The following LRRIQ3 variants were observed in gnomAD, a reference collection of about 807,000 sequenced individuals.
The protein encoded by LRRIQ3 is leucine rich repeats and IQ motif containing 3, also known as leucine-rich repeat and IQ domain-containing protein 3.
Under a neutral mutation model 59.3 loss-of-function variants are expected in LRRIQ3, and 75 were observed. That is an observed-to-expected ratio of 1.26 (90% CI 1.05 to 1.53). The LOEUF is 1.53. Ranked by LOEUF, LRRIQ3 falls within the 40% of genes most tolerant of loss-of-function variation. LRRIQ3 has a pLI of 0.00. For missense variants in LRRIQ3, 831 were observed against 710.0 expected (o/e 1.17, Z -1.94); for synonymous variants, 250 against 231.3 (o/e 1.08, Z -0.73).
intron 4 of LRRIQ3, among the ~76,000 whole-genome samples, chr1:74,133,541 G>T (rs1358889713): frequency 6.6e-6 from 1 of 152,088 alleles, no homozygotes; most frequent in Admixed American, 6.6e-5. Context: ...CATAAAAAAT[G>T]ATGAGTTCAT....
At chr1:74,142,108 G>A (rs921586596) in intron 4 of LRRIQ3, among the ~76,000 whole-genome samples, 1 of 151,822 alleles carries the variant, frequency 6.6e-6, no homozygotes, top group Non-Finnish European at 1.5e-5. Context: ...CAATGAACGT[G>A]AGAGTGCAGG....
chr1:74,068,724 T>A (rs528267585), intron 6 of LRRIQ3, among the ~76,000 whole-genome samples: 24 of 152,210 alleles, frequency 1.6e-4, no homozygotes, highest in African/African-American at 5.8e-4. Context: ...TCTAGTCTTA[T>A]ATGCATGAGT....
In LRRIQ3 at chr1:74,146,065, T is replaced by C. The variant is rs542184359; in HGVS notation, c.707+9668A>G. On this transcript the variant is annotated intron_variant, in intron 4 of 7. Transcript: ENST00000354431. Reference sequence around the variant, plus strand: ...GCCTATAAAATTTAGTATAGTAATATGCTGTACAGATTTGTGGCCTAGGCT... The same window carrying C: ...GCCTATAAAATTTAGTATAGTAATACGCTGTACAGATTTGTGGCCTAGGCT... Among the ~76,000 whole-genome samples, 8 of 152,270 alleles carry C rather than the reference T, an allele frequency of 5.3e-5. No individual in the cohort carries two copies. In the South Asian group the frequency reaches 1.4e-3, roughly 28 times the overall value.
chr1:74,157,702 G>A (rs906044409), intron 3 of LRRIQ3, among the ~76,000 whole-genome samples: 4 of 151,504 alleles, frequency 2.6e-5, no homozygotes, highest in African/African-American at 7.3e-5. Flanking sequence ...TCTAAATCTT[G>A]TTTACTTCTG....
intron 4 of LRRIQ3, among the ~76,000 whole-genome samples, chr1:74,131,964 A>G (rs573033496): frequency 3.9e-5 from 6 of 152,292 alleles, no homozygotes; most frequent in African/African-American, 1.2e-4. Flanking sequence ...AAATGACTGT[A>G]TATTTAGAAA....
intron 6 of LRRIQ3, among the ~76,000 whole-genome samples, chr1:74,073,123 G>C (rs77428096): frequency 0.033 from 5,094 of 152,112 alleles, 307 homozygotes; most frequent in African/African-American, 0.12. Context: ...TCTCCAACAT[G>C]GTTCCTATCT....
At chr1:74,048,944 A>G (rs1654282890) in intron 6 of LRRIQ3, among the ~76,000 whole-genome samples, 1 of 152,218 alleles carries the variant, frequency 6.6e-6, no homozygotes, top group Non-Finnish European at 1.5e-5. Context: ...ATAAGAAAAT[A>G]TCAAATAGAA....
intron 4 of LRRIQ3, among the ~76,000 whole-genome samples, chr1:74,111,701 G>A (rs746887567): frequency 1.3e-5 from 2 of 152,048 alleles, no homozygotes; most frequent in South Asian, 2.1e-4. Context: ...TTACATCTCA[G>A]TGTTAACAGT....
intron 1 of LRRIQ3, among the ~76,000 whole-genome samples, chr1:74,184,962 T>A (rs1215442825): frequency 6.6e-6 from 1 of 152,204 alleles, no homozygotes; most frequent in Non-Finnish European, 1.5e-5. Flanking sequence ...TTAAGGTTCC[T>A]CCAAGTCTTT....
At chr1:74,042,798 G>A (rs1654086655) in intron 6 of LRRIQ3, among the ~76,000 whole-genome samples, 1 of 152,018 alleles carries the variant, frequency 6.6e-6, no homozygotes, top group South Asian at 2.1e-4. Flanking sequence ...CATGGGCTAA[G>A]TCCTTTTTAA....
chr1:74,162,475 G>A (rs1570238891), intron 3 of LRRIQ3, among the ~76,000 whole-genome samples: 1 of 151,636 alleles, frequency 6.6e-6, no homozygotes, highest in African/African-American at 2.4e-5. Flanking sequence ...GAAATGAAAC[G>A]GGCTATTACT....
At chr1:74,190,871 T>C (rs757773502) in intron 1 of LRRIQ3, among the ~76,000 whole-genome samples, 6 of 152,076 alleles carry the variant, frequency 3.9e-5, no homozygotes, top group Non-Finnish European at 8.8e-5. Context: ...GTGAAATATT[T>C]GAAGTGTTAA....
chr1:74,143,653 T>A (rs1647371609), intron 4 of LRRIQ3, among the ~76,000 whole-genome samples: 1 of 151,694 alleles, frequency 6.6e-6, no homozygotes, highest in Non-Finnish European at 1.5e-5. Context: ...ACATAAGTAA[T>A]ATAATCATTG....
intron 3 of LRRIQ3, among the ~76,000 whole-genome samples, chr1:74,173,419 T>C (rs997893944): frequency 1.6e-4 from 24 of 152,154 alleles, no homozygotes; most frequent in Non-Finnish European, 2.9e-5. Context: ...TTTTGTTTTG[T>C]AGTTCTCTTG....
chr1:74,142,186 A>G (rs898469698), intron 4 of LRRIQ3, among the ~76,000 whole-genome samples: 6 of 151,864 alleles, frequency 4.0e-5, no homozygotes, highest in Non-Finnish European at 8.8e-5. Context: ...GTTGCATCAT[A>G]TGGTAGTACT....
chr1:74,132,676 A>G (rs1180132450), intron 4 of LRRIQ3, among the ~76,000 whole-genome samples: 2 of 152,184 alleles, frequency 1.3e-5, no homozygotes, highest in Non-Finnish European at 2.9e-5. Flanking sequence ...GAAAGCTGAA[A>G]CTGGATGCCT....
intron 5 of LRRIQ3, among the ~76,000 whole-genome samples, chr1:74,081,214 T>C (rs1570082886): frequency 6.6e-6 from 1 of 151,502 alleles, no homozygotes; most frequent in African/African-American, 2.4e-5. Flanking sequence ...AGGAAACATA[T>C]AGTATAAATA....
intron 4 of LRRIQ3, 43 bp downstream of exon 4, chr1:74,155,690 C>T (rs1648276164): frequency 6.7e-7 from 1 of 1,499,392 alleles, no homozygotes; most frequent in Non-Finnish European, 8.9e-7. Context: ...ATTTCTTCAC[C>T]TTCTTATTTC....
At chr1:74,033,775 G>A (rs1050047251) in intron 7 of LRRIQ3, among the ~76,000 whole-genome samples, 2 of 151,906 alleles carry the variant, frequency 1.3e-5, no homozygotes, top group East Asian at 1.9e-4. Context: ...TGGTAGTATG[G>A]GAGGTCAATT....
Sources: gnomAD v4.1 joint callset for allele counts (sites outside exome capture counted in the v4.1 genomes callset) on GRCh38, gnomAD v4.1.1 for gene constraint, MANE v1.5 for transcripts, NCBI Gene and HGNC (gene_info 2026-07-23, HGNC 2026-07-21) for gene names.